GAPVD1: variants seen among roughly 807,000 people sequenced by gnomAD.
GAPVD1 encodes the protein GTPase activating protein and VPS9 domains 1, also known as GTPase-activating protein and VPS9 domain-containing protein 1.
GAPVD1 carries 35 observed loss-of-function variants against 155.5 expected under a neutral mutation model. That is an observed-to-expected ratio of 0.23 (90% CI 0.17 to 0.30). The LOEUF is 0.30. GAPVD1 is among the 10% of genes least tolerant of loss of function. The pLI is 1.00. For missense variants in GAPVD1, 1,429 were observed against 1,775.7 expected (o/e 0.80, Z 3.51); for synonymous variants, 636 against 619.7 (o/e 1.03, Z -0.39).
intron 25 of GAPVD1, among the ~76,000 whole-genome samples, chr9:125,358,253 A>G (rs1850402223): frequency 6.6e-6 from 1 of 151,996 alleles, no homozygotes; most frequent in South Asian, 2.1e-4. Flanking sequence ...TTACAGGCAC[A>G]TGGCACCATG....
intron 25 of GAPVD1, among the ~76,000 whole-genome samples, chr9:125,358,518 G>A (rs899476086): frequency 3.9e-5 from 6 of 152,182 alleles, no homozygotes; most frequent in Admixed American, 1.3e-4. Context: ...GACTCCCAGG[G>A]GTCCGTGTAA....
intron 15 of GAPVD1, among the ~76,000 whole-genome samples, chr9:125,335,659 G>A (rs955377054): frequency 2.6e-5 from 4 of 152,104 alleles, no homozygotes; most frequent in Admixed American, 6.5e-5. Flanking sequence ...CCTGGTGACA[G>A]AGTGAGACTC....
intron 9 of GAPVD1, 101 bp downstream of exon 9, chr9:125,312,713 T>C (rs1034045901): frequency 2.1e-5 from 17 of 791,390 alleles, no homozygotes; most frequent in Admixed American, 1.1e-4. Context: ...ACAACAGATA[T>C]TTATTTCTCA....
chr9:125,335,587 G>T (rs1156843595), intron 15 of GAPVD1, among the ~76,000 whole-genome samples: 1 of 152,074 alleles, frequency 6.6e-6, no homozygotes, highest in African/African-American at 2.4e-5. Flanking sequence ...TGAGGCAGGA[G>T]AATCGCTTGA....
intron 10 of GAPVD1, 80 bp from the exon 11 acceptor site, chr9:125,323,718 C>A: frequency 7.3e-7 from 1 of 1,367,448 alleles, no homozygotes; most frequent in Non-Finnish European, 1.0e-6. Flanking sequence ...AGTTGTTAGT[C>A]TTTTATCAAG....
intron 24 of GAPVD1, among the ~76,000 whole-genome samples, chr9:125,355,315 A>G (rs184202787): frequency 2.6e-4 from 39 of 152,336 alleles, no homozygotes; most frequent in Admixed American, 2.3e-3. Flanking sequence ...CATGTTGGCC[A>G]GAATGGTCTC....
intron 12 of GAPVD1, among the ~76,000 whole-genome samples, chr9:125,327,751 G>A (rs1456153730): frequency 2.0e-5 from 3 of 152,076 alleles, no homozygotes; most frequent in Non-Finnish European, 2.9e-5. Context: ...TGATCCATCC[G>A]CCTCGGCCTC....
intron 1 of GAPVD1, chr9:125,263,939 C>T: frequency 7.0e-7 from 1 of 1,430,756 alleles, no homozygotes; most frequent in South Asian, 1.2e-5. Flanking sequence ...CTTCATGTAG[C>T]CTTGAGACTT....
intron 14 of GAPVD1, 22 bp downstream of exon 14, chr9:125,332,082 G>A (rs1469845630): frequency 1.2e-6 from 2 of 1,612,616 alleles, no homozygotes; most frequent in Non-Finnish European, 1.7e-6. Flanking sequence ...TTGTTTTAAG[G>A]AGTAGGGATT....
intron 2 of GAPVD1, among the ~76,000 whole-genome samples, chr9:125,275,743 G>T (rs1013554729): frequency 5.3e-5 from 8 of 152,086 alleles, no homozygotes; most frequent in African/African-American, 1.7e-4. Context: ...GGGACAGAGC[G>T]AGACTCTTTC....
chr9:125,265,212 C>T (rs1833658445), intron 1 of GAPVD1, among the ~76,000 whole-genome samples: 2 of 151,944 alleles, frequency 1.3e-5, no homozygotes, highest in South Asian at 4.2e-4. Context: ...GTTCTTTTAC[C>T]TTTTACTGTG....
rs140099938 is a variant in GAPVD1 at position 125,359,456 on chromosome 9, A to G, written c.4008A>G (p.Val1336=). The G allele has an allele frequency of 1.1e-4, 181 of 1,596,214 alleles. 2 individuals are homozygous for G. Among genetic ancestry groups the G allele is most frequent in the Middle Eastern group, 6.6e-4 (4 of 6,040 alleles). ...LHEHIQRLSK[V]VTANHRALQI... ...AACATATCCAGAGATTGTCTAAAGTAGTGACTGCAAATCACAGAGCTCTTC... is the reference window on the plus strand; with the variant it reads ...AACATATCCAGAGATTGTCTAAAGTGGTGACTGCAAATCACAGAGCTCTTC... Residue 1336 remains valine, a synonymous_variant, in exon 26 of 28, where the codon GTA becomes GTG. Coordinates refer to ENST00000297933, the MANE Select transcript of GAPVD1 (RefSeq NM_001282680.3).
At chr9:125,343,743 T>C (rs1368432036) in intron 19 of GAPVD1, among the ~76,000 whole-genome samples, 10 of 152,240 alleles carry the variant, frequency 6.6e-5, no homozygotes, top group Non-Finnish European at 1.5e-4. Context: ...CACACATGAC[T>C]CTTCAGGACC....
At chr9:125,300,935 A>G (rs1440379276) in intron 4 of GAPVD1, among the ~76,000 whole-genome samples, 1 of 152,164 alleles carries the variant, frequency 6.6e-6, no homozygotes, top group Non-Finnish European at 1.5e-5. Context: ...TCTGCAGGTC[A>G]TTACATACTG....
At chr9:125,356,523 G>GCCATGT (rs774570705) in intron 25 of GAPVD1, among the ~76,000 whole-genome samples, 3 of 151,936 alleles carry the variant, frequency 2.0e-5, no homozygotes, top group Non-Finnish European at 4.4e-5. Flanking sequence ...ACAGGGTCTT[G>GCCATGT]CCATGTCACC....
chr9:125,290,712 GT>G (rs1838447033), intron 2 of GAPVD1, among the ~76,000 whole-genome samples: 1 of 152,112 alleles, frequency 6.6e-6, no homozygotes, highest in Non-Finnish European at 1.5e-5. Context: ...TGATAATGGG[GT>G]TAAAGTGATA....
chr9:125,330,053 C>T (rs1411996706), intron 12 of GAPVD1, 25 bp from the exon 13 acceptor site: 1 of 1,568,322 alleles, frequency 6.4e-7, no homozygotes, highest in Non-Finnish European at 8.6e-7. Context: ...CTTTGTTAAC[C>T]CTTTGCTTCC....
chr9:125,330,512 T>C (rs1036756596), intron 13 of GAPVD1, among the ~76,000 whole-genome samples: 1 of 152,034 alleles, frequency 6.6e-6, no homozygotes, highest in Non-Finnish European at 1.5e-5. Flanking sequence ...AAACAGGGTT[T>C]CACCATGTTG....
chr9:125,329,019 A>G (rs956482186), intron 12 of GAPVD1, among the ~76,000 whole-genome samples: 42 of 147,914 alleles, frequency 2.8e-4, no homozygotes, highest in African/African-American at 1.0e-3. Context: ...GGCACTCGGC[A>G]GGCTGAGGCA....
Sources: allele counts gnomAD v4.1 joint callset (sites outside exome capture counted in the v4.1 genomes callset), GRCh38; gene constraint gnomAD v4.1.1; transcripts MANE v1.5; gene names NCBI Gene and HGNC (gene_info 2026-07-23, HGNC 2026-07-21).